The following FGD1 variants were observed in gnomAD, a reference collection of about 807,000 sequenced individuals.
The protein encoded by FGD1 is FYVE, RhoGEF and PH domain containing 1.
In FGD1, 12 loss-of-function variants were observed where a neutral mutation model predicts 65.0. The observed-to-expected ratio is 0.18, with a 90% CI of 0.12 to 0.30. The LOEUF (loss-of-function observed/expected upper bound fraction) is 0.30. Ranked by LOEUF, FGD1 falls within the 10% of genes least tolerant of loss-of-function variation. FGD1 has a pLI of 1.00. For missense variants in FGD1, 542 were observed against 837.6 expected (o/e 0.65, Z 4.36); for synonymous variants, 333 against 343.9 (o/e 0.97, Z 0.35).
chrX:54,490,982 T>A (rs1284819824), intron 1 of FGD1, among the ~76,000 whole-genome samples: 1 of 111,137 alleles, frequency 9.0e-6, no homozygotes, highest in Non-Finnish European at 1.9e-5. Flanking sequence ...ACCCCTTCCA[T>A]CCATTCTCCC....
intron 12 of FGD1, among the ~76,000 whole-genome samples, chrX:54,454,645 TA>T (rs59245505): frequency 1.9e-3 from 149 of 78,926 alleles, no homozygotes; most frequent in Non-Finnish European, 1.7e-3. Flanking sequence ...GACTCTGTCT[TA>T]AAAAAAAAAA....
At chrX:54,465,370 G>A in intron 8 of FGD1, 81 bp downstream of exon 8, 6 of 1,056,864 alleles carry the variant, frequency 5.7e-6, no homozygotes, top group Non-Finnish European at 7.7e-6. Flanking sequence ...TGTGAATTAA[G>A]TCTTGGGGTC....
intron 1 of FGD1, among the ~76,000 whole-genome samples, chrX:54,475,230 T>G (rs1922990680): frequency 8.9e-6 from 1 of 112,203 alleles, no homozygotes; most frequent in South Asian, 3.7e-4. Context: ...GAAAAGAGAT[T>G]GTCAGCCCAG....
At chrX:54,455,246 C>G (rs1164490128) in intron 12 of FGD1, among the ~76,000 whole-genome samples, 1 of 112,281 alleles carries the variant, frequency 8.9e-6, no homozygotes, top group Admixed American at 9.5e-5. Flanking sequence ...TGCCACCTTT[C>G]CCCATATCGT....
chrX:54,494,975 C>T, intron 1 of FGD1, 151 bp downstream of exon 1: 1 of 537,111 alleles, frequency 1.9e-6, no homozygotes, highest in Non-Finnish European at 3.1e-6. Flanking sequence ...GGCCAAGGGA[C>T]GTGGGGAGGA....
At chrX:54,456,655 C>T (rs1326666972) in intron 8 of FGD1, 88 bp from the exon 9 acceptor site, 13 of 706,948 alleles carry the variant, frequency 1.8e-5, no homozygotes, top group Middle Eastern at 4.7e-4. Flanking sequence ...TTTTTTGAGA[C>T]GGAGTCTCAC....
intron 8 of FGD1, among the ~76,000 whole-genome samples, chrX:54,462,311 G>C (rs1922653796): frequency 9.0e-6 from 1 of 110,504 alleles, no homozygotes; most frequent in African/African-American, 3.3e-5. Flanking sequence ...TGGTAGCAAA[G>C]TGCCCCATCT....
chrX:54,461,632 A>T, intron 8 of FGD1, among the ~76,000 whole-genome samples: 1 of 106,194 alleles, frequency 9.4e-6, no homozygotes, highest in East Asian at 3.0e-4. Flanking sequence ...AAAAAGAAAA[A>T]GAAAAAAGAA....
intron 1 of FGD1, among the ~76,000 whole-genome samples, chrX:54,487,240 G>GA (rs924624613): frequency 9.0e-6 from 1 of 110,749 alleles, no homozygotes; most frequent in Non-Finnish European, 1.9e-5. Context: ...GCTTTCCCCT[G>GA]AAAAAAGGCA....
rs1299941044 is a variant in FGD1, at chrX:54,448,882, A to T, written c.2360T>A (p.Val787Glu). Residue 787 changes from valine to glutamate, a missense_variant, in exon 16 of 18, where the codon GTG (valine) becomes GAG (glutamate). By Grantham distance (121) the Val-to-Glu change is moderately radical. This residue lies in a region of FGD1 where 182 missense variants were observed against 311.4 expected (regional missense o/e 0.58). Coordinates refer to ENST00000375135, the MANE Select transcript of FGD1 (RefSeq NM_004463.3). ...GCTCCCAGGCACCCCGTGCAAGGCC[A>T]CATAGCAATCAGTGCACACACGGTT... ...RSNRVCTDCY[V>E]ALHGVPGSSP... 8.3e-7 allele frequency: 1 copy of T among 1,210,398 alleles called. No homozygotes were observed. Among genetic ancestry groups the T allele is most frequent in the African/African-American group, 1.7e-5 (1 of 57,414 alleles).
chrX:54,451,444 C>A (rs1421967718), intron 12 of FGD1, among the ~76,000 whole-genome samples: 1 of 108,881 alleles, frequency 9.2e-6, no homozygotes, highest in Non-Finnish European at 1.9e-5. Flanking sequence ...GCCACCATGC[C>A]TGGCTAATTT....
At chrX:54,458,010 G>A (rs908729485) in intron 8 of FGD1, among the ~76,000 whole-genome samples, 8 of 111,989 alleles carry the variant, frequency 7.1e-5, no homozygotes, top group African/African-American at 2.3e-4. Context: ...CAACCAAGTC[G>A]TGTTTTCCTA....
chrX:54,478,418 T>A (rs5961074), intron 1 of FGD1, among the ~76,000 whole-genome samples: 15,718 of 109,329 alleles, frequency 0.14, 1,831 homozygotes, highest in African/African-American at 0.39. Flanking sequence ...CACTAATTTA[T>A]AAAACTATGA....
intron 1 of FGD1, among the ~76,000 whole-genome samples, chrX:54,488,072 TG>T (rs1923322561): frequency 1.9e-5 from 2 of 106,018 alleles, no homozygotes; most frequent in African/African-American, 6.9e-5. Context: ...AAGACCAGCC[TG>T]GCCAACGTGG....
intron 1 of FGD1, among the ~76,000 whole-genome samples, chrX:54,477,258 C>G (rs773539832): frequency 3.6e-5 from 4 of 112,086 alleles, no homozygotes; most frequent in African/African-American, 1.3e-4. Flanking sequence ...CCTGCCCCCC[C>G]AGGCATTCAG....
At chrX:54,490,653 C>G (rs1171295020) in intron 1 of FGD1, among the ~76,000 whole-genome samples, 1 of 111,134 alleles carries the variant, frequency 9.0e-6, no homozygotes, top group Non-Finnish European at 1.9e-5. Context: ...GCATGTACCC[C>G]CAGGCGTTTC....
intron 10 of FGD1, 92 bp downstream of exon 10, chrX:54,456,125 AAAG>A: frequency 1.0e-6 from 1 of 989,451 alleles, no homozygotes; most frequent in Non-Finnish European, 1.4e-6. Flanking sequence ...TTCAGGAATG[AAAG>A]GAGGTATAGT....
chrX:54,477,916 G>A (rs1601957977), intron 1 of FGD1, among the ~76,000 whole-genome samples: 2 of 109,308 alleles, frequency 1.8e-5, no homozygotes. Flanking sequence ...TCAGGAGTTC[G>A]AGACCAGCCT....
At chrX:54,488,758 C>T (rs1645727082) in intron 1 of FGD1, among the ~76,000 whole-genome samples, 1 of 111,256 alleles carries the variant, frequency 9.0e-6, no homozygotes, top group Non-Finnish European at 1.9e-5. Context: ...CACCTACAAC[C>T]ATCTAACCTC....
Sources: gnomAD v4.1 joint callset for allele counts (sites outside exome capture counted in the v4.1 genomes callset) on GRCh38, gnomAD v4.1.1 for gene constraint, gnomAD v4.1.1 regional missense constraint, MANE v1.5 for transcripts, NCBI Gene and HGNC (gene_info 2026-07-23, HGNC 2026-07-21) for gene names.